The following USHBP1 variants were observed in gnomAD, a reference collection of about 807,000 sequenced individuals.
USHBP1 encodes harmonin-binding protein USHBP1.
A neutral mutation model predicts 76.2 loss-of-function variants in USHBP1; 67 were observed. The observed-to-expected ratio is 0.88, with a 90% CI of 0.72 to 1.08. The LOEUF is 1.08. USHBP1 is among the 50% of genes least tolerant of loss of function. The probability of loss-of-function intolerance (pLI) is 0.00; values close to 1 mark genes in which losing one functional copy is unlikely to be tolerated. For synonymous variants in USHBP1, 322 were observed against 362.2 expected (o/e 0.89, Z 1.26); for missense variants, 931 against 915.0 (o/e 1.02, Z -0.23).
chr19:17,256,573 G>A lies in USHBP1; in HGVS notation c.1368C>T (p.Pro456=), dbSNP rs774330903. 1 of 1,614,034 alleles carries A rather than the reference G, an allele frequency of 6.2e-7. No homozygotes were observed. Among genetic ancestry groups the A allele is most frequent in the African/African-American group, 1.3e-5 (1 of 74,938 alleles). ...TGGCCTGCACCATGGCTTCTGCACG[G>A]GGCACAGTGGGCATGGGTGCCAAGG... is the stretch of plus-strand genomic sequence containing the variant. ...GPTLAPMPTV[P]RAEAMVQAIL... is the part of the protein sequence containing the mutation. The change falls in exon 9 of 13, where the codon CCC becomes CCT. Residue 456 remains proline (P), a synonymous_variant. Transcript: ENST00000252597.
At position 17,263,993 on chromosome 19, in the gene USHBP1, G is replaced by A. The variant is rs186824501; in HGVS notation, c.203+9C>T. ...CTGGAGTGAAGGGCACAGACCAAGCGGGTCTTACCTGCTTCCTAGGCCTTG... is the reference window on the plus strand; with the variant it reads ...CTGGAGTGAAGGGCACAGACCAAGCAGGTCTTACCTGCTTCCTAGGCCTTG... On this transcript the variant is annotated intron_variant, in intron 3 of 12. Transcript: ENST00000252597. 4.0e-4 allele frequency: 621 copies of A among 1,563,278 alleles called. No individual in the cohort carries two copies. The highest frequency in any genetic ancestry group is 1.3e-3 in the Admixed American group (68 of 53,294).
At chr19:17,250,693 G>GGCAT in intron 12 of USHBP1, among the ~76,000 whole-genome samples, 1 of 152,078 alleles carries the variant, frequency 6.6e-6, no homozygotes, top group South Asian at 2.1e-4. Context: ...TGGGATTACA[G>GGCAT]GCGCCCACCA....
Position 17,259,917 on chromosome 19 carries a change from T to G in USHBP1, c.748A>C (p.Arg250=), listed in dbSNP as rs147809224. The change falls in exon 5 of 13, where the codon AGG becomes CGG. Residue 250 remains arginine, a synonymous_variant. Transcript: ENST00000252597. The part of the protein sequence containing the change: ...GSGSSSSEAD[R]EPWETQDSFS... Reference sequence around the variant, plus strand: ...CTCACCTGAGTCTCCCAGGGTTCCCTGTCTGCCTCAGAGCTGCTAGAACCA... The same window carrying G: ...CTCACCTGAGTCTCCCAGGGTTCCCGGTCTGCCTCAGAGCTGCTAGAACCA... 6.2e-7 allele frequency: 1 copy of G among 1,613,966 alleles called. No individual in the cohort carries two copies. The highest frequency in any genetic ancestry group is 1.3e-5 in the African/African-American group (1 of 75,056).
In USHBP1 at chr19:17,255,500, A is replaced by C. The variant is rs1295681360; in HGVS notation, c.1577T>G (p.Leu526Arg). The change falls in exon 10 of 13, where the codon CTC becomes CGC. Residue 526 changes from leucine (L) to arginine (R), a missense_variant. Coordinates refer to ENST00000252597, the MANE Select transcript of USHBP1 (RefSeq NM_031941.4). ...TTCCCACCGCAGCTGCTCCAGCAGG[A>C]GCACGTGAGCTGGACCCAGGGCTCG... is the stretch of plus-strand genomic sequence containing the variant. ...ALRALGPAHV[L>R]LLEQLRWERA... is the part of the protein sequence containing the mutation. 1.2e-6 allele frequency: 2 copies of C among 1,613,892 alleles called. No homozygotes were observed. The highest frequency in any genetic ancestry group is 1.7e-6 in the Non-Finnish European group (2 of 1,179,892).
In USHBP1 at chr19:17,258,276, A is replaced by C; in HGVS notation, c.1156T>G (p.Trp386Gly). The change falls in exon 8 of 13, where the codon TGG becomes GGG. Residue 386 changes from tryptophan (W) to glycine (G), a missense_variant. Coordinates refer to ENST00000252597, the MANE Select transcript of USHBP1 (RefSeq NM_031941.4). ...SDLQAAEKEA[W>G]RLLAQEEAAM... Reference sequence around the variant, plus strand: ...GCCTCCTCTTGTGCCAGCAGCCTCCATGCTTCCTTTTCAGCTGCTTGCAGG... The same window carrying C: ...GCCTCCTCTTGTGCCAGCAGCCTCCCTGCTTCCTTTTCAGCTGCTTGCAGG... 6.2e-7 allele frequency: 1 copy of C among 1,614,000 alleles called. No individual in the cohort carries two copies. The highest frequency in any genetic ancestry group is 1.1e-5 in the South Asian group (1 of 91,070).
chr19:17,256,081 C>T (rs2073615711), intron 9 of USHBP1, among the ~76,000 whole-genome samples: 1 of 152,090 alleles, frequency 6.6e-6, no homozygotes. Flanking sequence ...ATCTTCCTCC[C>T]ATAAAAGCTA....
rs548056937 is a variant in USHBP1 at position 17,261,279 on chromosome 19, C to G, written c.643-1257G>C. Among the ~76,000 whole-genome samples the G allele has an allele frequency of 2.6e-5, 4 of 152,118 alleles. No homozygotes were observed. The East Asian group carries it at 7.7e-4, about 29-fold the overall frequency. ...CTTGAACAGGCCAGTCATGCTGCCA[C>G]TCCAGGGCCTACTCCCACCACCCTC... On this transcript the variant is annotated intron_variant, in intron 4 of 12. Transcript: ENST00000252597.
In USHBP1 at chr19:17,249,276, C is replaced by T. The variant is rs535393917; in HGVS notation, c.*949G>A. ...GCGCGATCTCGGTTCACTGCAACCC[C>T]CGCCTCTCAGGTTCAAGCAATTATC... On this transcript the variant is annotated 3_prime_UTR_variant, in exon 13 of 13. Transcript: ENST00000252597. The T allele has an allele frequency of 6.6e-6, 1 of 152,314 alleles. No individual in the cohort carries two copies. Among genetic ancestry groups the T allele is most frequent in the East Asian group, 1.9e-4 (1 of 5,184 alleles). The allele number at this position is 152,314 out of a possible 1,614,324, so 9.4% of individuals were successfully genotyped here.
rs964816333 is a variant in USHBP1, at chr19:17,258,579, C to T, written c.1047-194G>A. 22 of 550,830 alleles carry T rather than the reference C, an allele frequency of 4.0e-5. 1 individual carries two copies. Among genetic ancestry groups the T allele is most frequent in the Admixed American group, 1.3e-4 (4 of 30,470 alleles). 34.1% of individuals were successfully genotyped at this position (550,830 alleles called of 1,614,324 possible). A position where few individuals can be genotyped will look rare whatever the true frequency, so the allele number is the denominator to read the frequency against. ...CAAAGATTAGCAAGGTGTGGTGGTA[C>T]GCACCTGTAGTTCCAGCTACTCAGG... On this transcript the variant is annotated intron_variant, in intron 7 of 12. Coordinates refer to ENST00000252597, the MANE Select transcript of USHBP1 (RefSeq NM_031941.4).
At chr19:17,254,999 A>G (rs2073600030) in intron 10 of USHBP1, among the ~76,000 whole-genome samples, 1 of 151,996 alleles carries the variant, frequency 6.6e-6, no homozygotes, top group Non-Finnish European at 1.5e-5. Context: ...CATTAAGGAC[A>G]GGTGCGGCGA....
chr19:17,257,741 G>A (rs2073637832), intron 8 of USHBP1, among the ~76,000 whole-genome samples: 1 of 150,674 alleles, frequency 6.6e-6, no homozygotes, highest in Non-Finnish European at 1.5e-5. Flanking sequence ...CCACCTCCCA[G>A]ACTCAAGGCA....
intron 4 of USHBP1, among the ~76,000 whole-genome samples, chr19:17,261,423 C>T (rs1370691536): frequency 3.3e-5 from 5 of 150,550 alleles, no homozygotes; most frequent in Non-Finnish European, 7.4e-5. Flanking sequence ...GCAAGCTCCG[C>T]CTCCCGGGTT....
At chr19:17,250,951 C>T (rs1166136886) in intron 12 of USHBP1, among the ~76,000 whole-genome samples, 1 of 152,114 alleles carries the variant, frequency 6.6e-6, no homozygotes, top group East Asian at 1.9e-4. Context: ...ACCTCTGCCT[C>T]CCGGGTTCAA....
At chr19:17,259,189 T>G in intron 7 of USHBP1, 100 bp downstream of exon 7, 1 of 1,468,546 alleles carries the variant, frequency 6.8e-7, no homozygotes, top group Non-Finnish European at 9.0e-7. Context: ...ATTTCTGAAG[T>G]GGGGAAGGTG....
Position 17,259,308 on chromosome 19 carries a change from G to T in USHBP1, c.1027C>A (p.His343Asn). ...GQREAEATAL[H>N]LALQYSEHCE... ...ACTGACCTGTACTGCAAGGCCAGAT[G>T]CAATGCTGTGGCCTCAGCCTCCCGC... Residue 343 changes from histidine (H) to asparagine (N), a missense_variant, in exon 7 of 13, where the codon CAT (histidine) becomes AAT (asparagine). His to Asn is a moderately conservative substitution (Grantham distance 68). Transcript: ENST00000252597. 6.2e-7 allele frequency: 1 copy of T among 1,613,580 alleles called. No homozygotes were observed. The highest frequency in any genetic ancestry group is 8.5e-7 in the Non-Finnish European group (1 of 1,179,816).
chr19:17,259,843 T>A lies in USHBP1; in HGVS notation c.768+54A>T, dbSNP rs1368476654. 7 of 1,589,966 alleles carry A rather than the reference T, an allele frequency of 4.4e-6. No individual in the cohort carries two copies. The East Asian group carries it at 1.6e-4, about 36-fold the overall frequency. On this transcript the variant is annotated intron_variant, in intron 5 of 12. Transcript: ENST00000252597. ...TCCCATGACAAAGATTTGAGTCTCA[T>A]TCCCCTGAAGGCTAAGGACATCAAG...
At chr19:17,255,304 A>C (rs1170894299) in intron 10 of USHBP1, 81 bp downstream of exon 10, 6 of 1,451,140 alleles carry the variant, frequency 4.1e-6, no homozygotes, top group Admixed American at 2.3e-5. Flanking sequence ...AAAAAAACAA[A>C]AAAAAAAAGG....
Position 17,261,481 on chromosome 19 carries a change from A to G in USHBP1, c.642+1071T>C, listed in dbSNP as rs1048584171. On this transcript the variant is annotated intron_variant, in intron 4 of 12. Transcript: ENST00000252597. ...CTCCGGAGTAGCTGGGACTACAGGC[A>G]CCCGCCACCACGCCGGCTAATTTTT... Among the ~76,000 whole-genome samples, 17 of 147,356 alleles carry G rather than the reference A, an allele frequency of 1.2e-4. No individual in the cohort carries two copies. In the South Asian group the frequency reaches 2.1e-3, roughly 19 times the overall value.
chr19:17,255,375 G>A lies in USHBP1; in HGVS notation c.1692+10C>T, dbSNP rs377204562. On this transcript the variant is annotated intron_variant, in intron 10 of 12. Transcript: ENST00000252597. ...CTACTCCCCTACCAGGTTCAGGCAGGGCAGCTCACCTGATACCACTCTTCC... is the reference window on the plus strand; with the variant it reads ...CTACTCCCCTACCAGGTTCAGGCAGAGCAGCTCACCTGATACCACTCTTCC... The A allele has an allele frequency of 5.9e-5, 95 of 1,611,824 alleles. No homozygotes were observed. Among genetic ancestry groups the A allele is most frequent in the Middle Eastern group, 3.3e-4 (2 of 6,074 alleles).
Sources: allele counts gnomAD v4.1 joint callset (sites outside exome capture counted in the v4.1 genomes callset), GRCh38; gene constraint gnomAD v4.1.1; transcripts MANE v1.5; gene names NCBI Gene and HGNC (gene_info 2026-07-23, HGNC 2026-07-21).